Variants in CCDC102B observed in about 807,000 individuals in gnomAD.
The protein encoded by CCDC102B is coiled-coil domain-containing protein 102B.
In CCDC102B, 75 loss-of-function variants were observed where a neutral mutation model predicts 57.4. The ratio of observed to expected loss-of-function variants is 1.31; its 90% CI spans 1.08 to 1.58. The LOEUF (loss-of-function observed/expected upper bound fraction) is 1.58. CCDC102B is among the 40% of genes most tolerant of loss of function. The pLI, the probability that CCDC102B is intolerant of heterozygous loss-of-function variation, is 0.00. For synonymous variants in CCDC102B, 206 were observed against 201.9 expected, an observed-to-expected ratio of 1.02 and a Z score of -0.17; for missense variants, 636 against 582.6, an observed-to-expected ratio of 1.09 and a Z score of -0.94.
intron 6 of CCDC102B, among the ~76,000 whole-genome samples, chr18:68,959,103 G>GT (rs2049981716): frequency 1.3e-5 from 2 of 152,052 alleles, no homozygotes; most frequent in Non-Finnish European, 2.9e-5. Context: ...ATTTATTGTA[G>GT]TTTTCGCAGT....
At chr18:68,878,853 TTGG>T (rs1212531667) in intron 5 of CCDC102B, among the ~76,000 whole-genome samples, 1 of 152,138 alleles carries the variant, frequency 6.6e-6, no homozygotes, top group Admixed American at 6.5e-5. Context: ...GTGTCCGGAA[TTGG>T]TGGGTTCTTG....
intron 2 of CCDC102B, among the ~76,000 whole-genome samples, chr18:68,729,022 C>A (rs1397594528): frequency 7.9e-5 from 12 of 151,638 alleles, no homozygotes; most frequent in African/African-American, 2.9e-4. Context: ...TAAAGGTTTA[C>A]CAAAGTAGCT....
At chr18:68,722,691 C>T (rs2032402385) in intron 2 of CCDC102B, among the ~76,000 whole-genome samples, 1 of 152,076 alleles carries the variant, frequency 6.6e-6, no homozygotes, top group South Asian at 2.1e-4. Flanking sequence ...GGCAGAGTAC[C>T]CGCCAGATCT....
intron 2 of CCDC102B, among the ~76,000 whole-genome samples, chr18:68,752,898 A>G (rs994958697): frequency 1.3e-5 from 2 of 152,102 alleles, no homozygotes; most frequent in Non-Finnish European, 2.9e-5. Context: ...CAGTGAATTC[A>G]AGTCTTTCAT....
At chr18:68,903,246 C>T (rs1028863383) in intron 6 of CCDC102B, among the ~76,000 whole-genome samples, 7 of 152,054 alleles carry the variant, frequency 4.6e-5, no homozygotes, top group Non-Finnish European at 1.0e-4. Context: ...ACTTTAGATA[C>T]CTCCCTGATC....
At chr18:68,772,431 A>G (rs1349130303) in intron 2 of CCDC102B, among the ~76,000 whole-genome samples, 1 of 152,154 alleles carries the variant, frequency 6.6e-6, no homozygotes, top group Non-Finnish European at 1.5e-5. Flanking sequence ...ATAACTTCTA[A>G]TATTTAAGTA....
chr18:68,784,966 A>G (rs927877893), intron 2 of CCDC102B, among the ~76,000 whole-genome samples: 1 of 133,556 alleles, frequency 7.5e-6, no homozygotes, highest in Non-Finnish European at 1.6e-5. Context: ...TCCCAATGCT[A>G]TCCCTCCCCC....
chr18:68,732,349 C>T (rs1676849), intron 2 of CCDC102B, among the ~76,000 whole-genome samples: 138,921 of 146,786 alleles, frequency 0.95, 66,017 homozygotes, highest in East Asian at 1. Context: ...CTTTTTTTTT[C>T]TCTCTCTCTT....
At chr18:68,877,924 A>T (rs1381276450) in intron 5 of CCDC102B, among the ~76,000 whole-genome samples, 1 of 152,206 alleles carries the variant, frequency 6.6e-6, no homozygotes, top group African/African-American at 2.4e-5. Flanking sequence ...ATCACTCAAC[A>T]AATGGCCATT....
At position 68,771,936 on chromosome 18, in the gene CCDC102B, A is replaced by G. The variant is rs532226965; in HGVS notation, c.-66-51430A>G. On this transcript the variant is annotated intron_variant, in intron 2 of 3. Transcript: ENST00000578970. ...TTCTGGAAATAAAGATTGTCAAGAT[A>G]CTTATCTGGTCAGAGTCTCTTAGGT... Among the ~76,000 whole-genome samples, 5 of 151,956 alleles carry G rather than the reference A, an allele frequency of 3.3e-5. No individual in the cohort carries two copies. In the East Asian group the frequency reaches 9.7e-4, roughly 29 times the overall value.
intron 6 of CCDC102B, among the ~76,000 whole-genome samples, chr18:68,965,804 A>T (rs148672169): frequency 3.9e-5 from 6 of 152,174 alleles, no homozygotes; most frequent in Middle Eastern, 3.4e-3. Flanking sequence ...GTACTATGTG[A>T]TGAAATCTGG....
In CCDC102B at chr18:69,054,243, G is replaced by A; in HGVS notation, c.*106G>A. The A allele has an allele frequency of 1.5e-6, 2 of 1,375,000 alleles. No homozygotes were observed. The highest frequency in any genetic ancestry group is 2.6e-4 in the Middle Eastern group (1 of 3,880). 85.2% of individuals were successfully genotyped at this position (1,375,000 alleles called of 1,614,324 possible). A position where few individuals can be genotyped will look rare whatever the true frequency, so the allele number is the denominator to read the frequency against. On this transcript the variant is annotated 3_prime_UTR_variant, in exon 8 of 8. Coordinates refer to ENST00000360242, the MANE Select transcript of CCDC102B (RefSeq NM_024781.3). ...GTTTTTATTAACTAGAAATATTAAT[G>A]AAAAAAACGTAGACAATACACAAAT...
intron 2 of CCDC102B, among the ~76,000 whole-genome samples, chr18:68,736,793 T>C (rs1049298734): frequency 1.3e-5 from 2 of 151,960 alleles, no homozygotes; most frequent in East Asian, 3.9e-4. Flanking sequence ...TCCCCATGGG[T>C]CCCTCCCACA....
intron 6 of CCDC102B, among the ~76,000 whole-genome samples, chr18:68,970,241 T>A (rs771455454): frequency 6.6e-6 from 1 of 152,178 alleles, no homozygotes; most frequent in African/African-American, 2.4e-5. Context: ...TCAATTTTTT[T>A]AGATAACATG....
chr18:68,810,276 T>C (rs1355549123), intron 1 of CCDC102B, among the ~76,000 whole-genome samples: 1 of 152,176 alleles, frequency 6.6e-6, no homozygotes, highest in Admixed American at 6.5e-5. Context: ...TAGTCTTTTT[T>C]TTAACCAAAC....
intron 5 of CCDC102B, among the ~76,000 whole-genome samples, chr18:68,875,149 G>T (rs2039393306): frequency 6.6e-6 from 1 of 152,064 alleles, no homozygotes; most frequent in South Asian, 2.1e-4. Flanking sequence ...ATTTCTGGTG[G>T]AATTAACATT....
intron 7 of CCDC102B, among the ~76,000 whole-genome samples, chr18:69,022,399 T>C (rs1335351155): frequency 1.3e-5 from 2 of 151,836 alleles, no homozygotes; most frequent in East Asian, 3.9e-4. Context: ...TTTTGAATAA[T>C]GTTGGATAAT....
At chr18:68,772,658 T>C (rs143033215) in intron 2 of CCDC102B, among the ~76,000 whole-genome samples, 42 of 152,292 alleles carry the variant, frequency 2.8e-4, no homozygotes, top group African/African-American at 9.4e-4. Flanking sequence ...TGATAAATTA[T>C]TTAAATTGAT....
chr18:68,892,361 G>C (rs1188157468), intron 5 of CCDC102B, among the ~76,000 whole-genome samples: 9 of 152,040 alleles, frequency 5.9e-5, no homozygotes, highest in African/African-American at 1.9e-4. Context: ...CCTGCTTAAG[G>C]TGATGTGGCT....
Sources: allele counts gnomAD v4.1 joint callset (sites outside exome capture counted in the v4.1 genomes callset), GRCh38; gene constraint gnomAD v4.1.1; transcripts MANE v1.5; gene names NCBI Gene and HGNC (gene_info 2026-07-23, HGNC 2026-07-21).